The following ESR1 variants were observed in gnomAD, a reference collection of about 807,000 sequenced individuals.
ESR1 encodes the protein estrogen receptor 1.
A neutral mutation model predicts 52.7 loss-of-function variants in ESR1; 12 were observed. The observed-to-expected ratio is 0.23, with a 90% CI of 0.15 to 0.37. ESR1 has a LOEUF of 0.37. Among genes scored for constraint, ESR1 ranks in the 10% least tolerant of loss-of-function variants. The probability of loss-of-function intolerance (pLI) is 1.00; values close to 1 mark genes in which losing one functional copy is unlikely to be tolerated. For missense variants in ESR1, 584 were observed against 779.7 expected (o/e 0.75, Z 2.99); for synonymous variants, 305 against 316.8 (o/e 0.96, Z 0.39).
intron 1 of ESR1, chr6:151,809,212 G>T (rs1347874576): frequency 2.2e-6 from 1 of 459,652 alleles, no homozygotes; most frequent in Non-Finnish European, 4.6e-6. Context: ...CGCAGCCACT[G>T]TGGAAGGAGC....
chr6:151,670,239 T>C (rs962818554), intron 1 of ESR1, among the ~76,000 whole-genome samples: 3 of 152,220 alleles, frequency 2.0e-5, no homozygotes, highest in African/African-American at 7.2e-5. Context: ...CTTGGCTGAA[T>C]CTGTTGTCTT....
intron 3 of ESR1, among the ~76,000 whole-genome samples, chr6:151,919,410 G>A (rs1181872443): frequency 6.6e-6 from 1 of 152,182 alleles, no homozygotes; most frequent in Non-Finnish European, 1.5e-5. Context: ...TTGGAATCAA[G>A]TAATTGATGA....
chr6:151,722,252 G>A (rs1032709346), intron 2 of ESR1, among the ~76,000 whole-genome samples: 3 of 152,228 alleles, frequency 2.0e-5, no homozygotes, highest in African/African-American at 7.2e-5. Flanking sequence ...ACCGATGGTG[G>A]AACATACCTG....
chr6:151,675,899 T>C (rs937679146), intron 1 of ESR1, among the ~76,000 whole-genome samples: 1 of 152,148 alleles, frequency 6.6e-6, no homozygotes, highest in African/African-American at 2.4e-5. Context: ...CAGGTTCTGC[T>C]ATGGACCAGG....
chr6:152,063,861 G>A (rs796824855), intron 6 of ESR1, among the ~76,000 whole-genome samples: 11 of 152,240 alleles, frequency 7.2e-5, no homozygotes, highest in African/African-American at 2.4e-4. Flanking sequence ...AGCCCCAGTC[G>A]CCAAGGTCTG....
intron 5 of ESR1, among the ~76,000 whole-genome samples, chr6:152,028,150 A>T (rs966074592): frequency 1.3e-5 from 2 of 152,174 alleles, no homozygotes; most frequent in Non-Finnish European, 2.9e-5. Context: ...TCTCAAAAAA[A>T]AATAAATAGG....
In ESR1 at chr6:151,944,285, T is replaced by C. The variant is rs2035453912; in HGVS notation, c.873T>C (p.Leu291=). 2 of 1,614,170 alleles carry C rather than the reference T, an allele frequency of 1.2e-6. No homozygotes were observed. The highest frequency in any genetic ancestry group is 1.6e-4 in the Middle Eastern group (1 of 6,062). ...CTGGAGACATGAGAGCTGCCAACCTTTGGCCAAGCCCGCTCATGATCAAAC... is the reference window on the plus strand; with the variant it reads ...CTGGAGACATGAGAGCTGCCAACCTCTGGCCAAGCCCGCTCATGATCAAAC... ...GSAGDMRAAN[L]WPSPLMIKRS... The change falls in exon 4 of 8, where the codon CTT becomes CTC. Residue 291 remains leucine (L), a synonymous_variant. Transcript: ENST00000206249.
intron 2 of ESR1, among the ~76,000 whole-genome samples, chr6:151,739,691 A>G (rs1293664889): frequency 3.9e-5 from 6 of 152,266 alleles, no homozygotes; most frequent in Non-Finnish European, 8.8e-5. Flanking sequence ...TGGCCATGCC[A>G]TAGATGAAGG....
intron 1 of ESR1, among the ~76,000 whole-genome samples, chr6:151,684,484 A>T (rs1467210694): frequency 6.6e-6 from 1 of 152,206 alleles, no homozygotes; most frequent in African/African-American, 2.4e-5. Context: ...GCTGTCGGCA[A>T]CCAGACCAAT....
rs1791226446 is a variant in ESR1, at chr6:151,872,980, T to C, written c.644-7675T>C. On this transcript the variant is annotated intron_variant, in intron 2 of 7. Coordinates refer to ENST00000206249, the MANE Select transcript of ESR1 (RefSeq NM_000125.4). ...GTATTTGTCTCGTAGATATGTTAAA[T>C]AGAAGACAGTAACATTGGGTTGGCT... Among the ~76,000 whole-genome samples the C allele has an allele frequency of 2.0e-5, 3 of 152,240 alleles. No individual in the cohort carries two copies. The South Asian group carries it at 6.2e-4, about 32-fold the overall frequency.
At chr6:151,964,646 CT>C (rs57659292) in intron 4 of ESR1, among the ~76,000 whole-genome samples, 119,205 of 143,162 alleles carry the variant, frequency 0.83, 49,662 homozygotes, top group Middle Eastern at 0.93. Flanking sequence ...TATTTTCTTT[CT>C]TTTTTTTTTT....
At chr6:151,831,438 C>A (rs1391404090) in intron 1 of ESR1, among the ~76,000 whole-genome samples, 2 of 152,194 alleles carry the variant, frequency 1.3e-5, no homozygotes, top group East Asian at 3.9e-4. Context: ...CCATGCCCAG[C>A]TAATTGCAGG....
intron 3 of ESR1, among the ~76,000 whole-genome samples, chr6:151,920,589 C>T (rs1584234341): frequency 6.6e-6 from 1 of 152,150 alleles, no homozygotes; most frequent in Non-Finnish European, 1.5e-5. Context: ...TTCCCAGGCT[C>T]GCCATGGTTG....
intron 3 of ESR1, among the ~76,000 whole-genome samples, chr6:151,908,954 G>A (rs1401665339): frequency 6.6e-6 from 1 of 151,906 alleles, no homozygotes; most frequent in Non-Finnish European, 1.5e-5. Flanking sequence ...CTGACATAGG[G>A]TAACTTACTC....
rs551631378 is a variant in ESR1 at position 152,095,637 on chromosome 6, C to G, written c.1553+1069C>G. On this transcript the variant is annotated intron_variant, in intron 7 of 7. Coordinates refer to ENST00000206249, the MANE Select transcript of ESR1 (RefSeq NM_000125.4). ...AGCAAGCATGTGGGGTGTCCAGAGT[C>G]AAAGAGGGACATGTTGCCGGGGTCA... 1.6e-4 allele frequency among the ~76,000 whole-genome samples: 25 copies of G among 152,318 alleles called. 1 individual carries two copies. In the South Asian group the frequency reaches 1.9e-3, roughly 11 times the overall value.
intron 2 of ESR1, among the ~76,000 whole-genome samples, chr6:151,765,514 G>A (rs1293255884): frequency 6.6e-6 from 1 of 152,186 alleles, no homozygotes; most frequent in Non-Finnish European, 1.5e-5. Context: ...GACACATTGT[G>A]TTACTCTCGT....
At chr6:151,978,381 G>T (rs931351029) in intron 4 of ESR1, among the ~76,000 whole-genome samples, 2 of 152,140 alleles carry the variant, frequency 1.3e-5, no homozygotes, top group African/African-American at 2.4e-5. Flanking sequence ...ATGGAGAACA[G>T]TGTACGAAGG....
chr6:152,083,890 A>C (rs1397893017), intron 6 of ESR1, among the ~76,000 whole-genome samples: 1 of 152,224 alleles, frequency 6.6e-6, no homozygotes, highest in Non-Finnish European at 1.5e-5. Flanking sequence ...TAGAACTAGA[A>C]ATACCATTTG....
intron 4 of ESR1, among the ~76,000 whole-genome samples, chr6:151,964,672 CA>C (rs2038063747): frequency 6.7e-6 from 1 of 149,364 alleles, no homozygotes; most frequent in Non-Finnish European, 1.5e-5. Context: ...GATGGAGTCT[CA>C]CTCTGTCACC....
Sources: allele counts gnomAD v4.1 joint callset (sites outside exome capture counted in the v4.1 genomes callset), GRCh38; gene constraint gnomAD v4.1.1; transcripts MANE v1.5; gene names NCBI Gene and HGNC (gene_info 2026-07-23, HGNC 2026-07-21).